Variants in RNF215 observed in about 807,000 individuals in gnomAD.
RNF215 encodes the protein ring finger protein 215.
A neutral mutation model predicts 44.8 loss-of-function variants in RNF215; 41 were observed. The ratio of observed to expected loss-of-function variants is 0.92; its 90% CI spans 0.71 to 1.19. The LOEUF (loss-of-function observed/expected upper bound fraction) is 1.19. Among genes scored for constraint, RNF215 ranks in the 50% most tolerant of loss-of-function variants. The pLI, the probability that RNF215 is intolerant of heterozygous loss-of-function variation, is 0.00. For synonymous variants in RNF215, 218 were observed against 230.1 expected, an observed-to-expected ratio of 0.95 and a Z score of 0.48; for missense variants, 452 against 496.2, an observed-to-expected ratio of 0.91 and a Z score of 0.85.
chr22:30,383,791 T>C (rs1454045446), intron 5 of RNF215, among the ~76,000 whole-genome samples: 1 of 151,682 alleles, frequency 6.6e-6, no homozygotes, highest in Admixed American at 6.6e-5. Context: ...CTTGTTGTGA[T>C]ACAAAAGAGA....
chr22:30,385,975 C>T lies in RNF215; in HGVS notation c.516G>A (p.Gln172=). 6.2e-7 allele frequency: 1 copy of T among 1,614,174 alleles called. No homozygotes were observed. The highest frequency in any genetic ancestry group is 1.1e-5 in the South Asian group (1 of 91,082). ...GGACGATCACTGGCCTGAGCAGAAGCTGGGATATGTCCAGCTGCAGGGAGA... is the reference window on the plus strand; with the variant it reads ...GGACGATCACTGGCCTGAGCAGAAGTTGGGATATGTCCAGCTGCAGGGAGA... ...HNVVRELDIS[Q]LLLRPVIVLH... Residue 172 remains glutamine (Q), a synonymous_variant, in exon 4 of 9, where the codon CAG becomes CAA. Coordinates refer to ENST00000382363, the MANE Select transcript of RNF215 (RefSeq NM_001017981.2).
chr22:30,382,308 G>A (rs1229354130), intron 5 of RNF215, among the ~76,000 whole-genome samples: 3 of 151,864 alleles, frequency 2.0e-5, no homozygotes, highest in Non-Finnish European at 4.4e-5. Context: ...GGAGGCTGAG[G>A]TAGGAGAATC....
chr22:30,381,088 C>G (rs964103852), intron 5 of RNF215, among the ~76,000 whole-genome samples: 2 of 152,222 alleles, frequency 1.3e-5, no homozygotes, highest in African/African-American at 4.8e-5. Flanking sequence ...CCTCTTCCAC[C>G]TTATCCCTTT....
intron 1 of RNF215, 62 bp from the exon 2 acceptor site, chr22:30,386,821 C>A: frequency 6.4e-7 from 1 of 1,556,108 alleles, no homozygotes; most frequent in Admixed American, 1.8e-5. Flanking sequence ...GAGCCGGGGT[C>A]ATCACAGTGG....
In RNF215 at chr22:30,384,437, A is replaced by G. The variant is rs1320743991; in HGVS notation, c.646T>C (p.Trp216Arg). 6.2e-7 allele frequency: 1 copy of G among 1,613,562 alleles called. No individual in the cohort carries two copies. The highest frequency in any genetic ancestry group is 1.3e-5 in the African/African-American group (1 of 74,762). The change falls in exon 5 of 9, where the codon TGG becomes CGG. Residue 216 changes from tryptophan (W) to arginine (R), a missense_variant. By Grantham distance (101) the Trp-to-Arg change is moderately radical. Transcript: ENST00000382363. ...SGESLSANIE[W>R]KLTLWTTCGL... is the part of the protein sequence containing the mutation. Reference sequence around the variant, plus strand: ...CAGGTGGTCCACAAGGTCAACTTCCACTCGATATTGGCAGACAGGGACTCT... The same window carrying G: ...CAGGTGGTCCACAAGGTCAACTTCCGCTCGATATTGGCAGACAGGGACTCT...
chr22:30,384,252 G>C lies in RNF215; in HGVS notation c.744+87C>G, dbSNP rs978560773. The C allele has an allele frequency of 2.9e-6, 4 of 1,398,090 alleles. No homozygotes were observed. In the Admixed American group the frequency reaches 7.7e-5, roughly 27 times the overall value. 86.6% of individuals were successfully genotyped at this position (1,398,090 alleles called of 1,614,324 possible). On this transcript the variant is annotated intron_variant, in intron 5 of 8. Transcript: ENST00000382363. ...GCCGTCCTTGTCACTAAGGTGGGGA[G>C]AAGCCACAGGATTTTCAATACAAAG... is the stretch of plus-strand genomic sequence containing the variant.
chr22:30,384,546 G>C (rs41282471), intron 4 of RNF215, 51 bp from the exon 5 acceptor site: 1 of 1,556,356 alleles, frequency 6.4e-7, no homozygotes, highest in East Asian at 2.3e-5. Context: ...GGGAAGGGAG[G>C]CCCAGACCCA....
Position 30,385,917 on chromosome 22 carries a change from C to A in RNF215, c.574G>T (p.Asp192Tyr). The A allele has an allele frequency of 6.2e-7, 1 of 1,614,120 alleles. No homozygotes were observed. The highest frequency in any genetic ancestry group is 1.1e-5 in the South Asian group (1 of 91,082). ...HYSSNVTKLL[D>Y]ALLQRTQATA... is the part of the protein sequence containing the mutation. ...ATACCAACTCACTGCAGCAATGCAT[C>A]CAACAGCTTGGTGACATTGGAGGAA... Residue 192 changes from aspartate (D) to tyrosine (Y), a missense_variant, in exon 4 of 9, where the codon GAT becomes TAT. Coordinates refer to ENST00000382363, the MANE Select transcript of RNF215 (RefSeq NM_001017981.2).
chr22:30,382,626 T>C (rs1429004395), intron 5 of RNF215, among the ~76,000 whole-genome samples: 1 of 152,008 alleles, frequency 6.6e-6, no homozygotes, highest in Non-Finnish European at 1.5e-5. Context: ...GCCAGCTGGG[T>C]GGGCTGAAAG....
In RNF215 at chr22:30,379,602, A is replaced by G; in HGVS notation, c.1132T>C (p.Ter378GlnextTer46). The change falls in exon 9 of 9, where the codon TAG (stop) becomes CAG (glutamine). Residue 378 changes from the stop codon to glutamine, a stop_lost. Coordinates refer to ENST00000382363, the MANE Select transcript of RNF215 (RefSeq NM_001017981.2). ...NVLGNRYSDD* is the reference protein window; with the variant it reads ...NVLGNRYSDDQ ...ATGTGCAGAGTCCAGCTGGGCAGCT[A>G]ATCATCGGAGTAGCGGTTCCCTGCA... 1 of 1,550,752 alleles carries G rather than the reference A, an allele frequency of 6.4e-7. No homozygotes were observed. The highest frequency in any genetic ancestry group is 8.7e-7 in the Non-Finnish European group (1 of 1,147,004).
At chr22:30,379,872 C>T (rs2145981658) in intron 7 of RNF215, 59 bp from the exon 8 acceptor site, 2 of 1,533,392 alleles carry the variant, frequency 1.3e-6, no homozygotes, top group East Asian at 2.3e-5. Context: ...CGTGGGGGTG[C>T]CTGGTCCCAT....
intron 5 of RNF215, among the ~76,000 whole-genome samples, chr22:30,382,337 G>C (rs1332984398): frequency 1.3e-5 from 2 of 151,592 alleles, no homozygotes; most frequent in East Asian, 1.9e-4. Flanking sequence ...CTGGGAGGCG[G>C]AGGCTGTGGT....
chr22:30,379,370 T>G lies in RNF215; in HGVS notation c.*230A>C, dbSNP rs1485650890. ...CAGGATTGCAGAGAAGGTCCCAAAG[T>G]GACCTCTCTTCCTTGACTGACAGGT... On this transcript the variant is annotated 3_prime_UTR_variant, in exon 9 of 9. Coordinates refer to ENST00000382363, the MANE Select transcript of RNF215 (RefSeq NM_001017981.2). 1.7e-6 allele frequency: 1 copy of G among 592,902 alleles called. No individual in the cohort carries two copies. The highest frequency in any genetic ancestry group is 1.9e-5 in the African/African-American group (1 of 53,704). The allele number at this position is 592,902 out of a possible 1,614,324, so 36.7% of individuals were successfully genotyped here.
Position 30,379,797 on chromosome 22 carries a change from G to A in RNF215, c.1025C>T (p.Pro342Leu). Residue 342 changes from proline to leucine, a missense_variant, in exon 8 of 9, where the codon CCC becomes CTC. Coordinates refer to ENST00000382363, the MANE Select transcript of RNF215 (RefSeq NM_001017981.2). ...GTCTCGGTGAAACTCGTGCTTACAG[G>A]GCAGCACCCGGAGCCACTACAGGGG... ...FCNKQWLRVL[P>L]CKHEFHRDCV... The A allele has an allele frequency of 6.4e-7, 1 of 1,570,370 alleles. No individual in the cohort carries two copies. The highest frequency in any genetic ancestry group is 8.6e-7 in the Non-Finnish European group (1 of 1,159,196).
chr22:30,379,890 G>T, intron 7 of RNF215, 77 bp from the exon 8 acceptor site: 1 of 1,504,202 alleles, frequency 6.6e-7, no homozygotes, highest in Non-Finnish European at 9.2e-7. Flanking sequence ...CATGCCCCTC[G>T]CCTCAGCTGG....
At position 30,387,068 on chromosome 22, in the gene RNF215, T is replaced by C. The variant is rs1356727672; in HGVS notation, c.246A>G (p.Glu82=). Residue 82 remains glutamate, a synonymous_variant, in exon 1 of 9, where the codon GAA becomes GAG. Transcript: ENST00000382363. ...CGCCCAGCAGGGGCGCCGGGTCGGC[T>C]TCGGAGCCGATCCTGACGCCCTCCA... ...LVLEGVRIGS[E]ADPAPLLGGR... The C allele has an allele frequency of 1.3e-6, 2 of 1,542,084 alleles. No homozygotes were observed. Among genetic ancestry groups the C allele is most frequent in the Admixed American group, 3.8e-5 (2 of 52,764 alleles).
At position 30,379,524 on chromosome 22, in the gene RNF215, G is replaced by T; in HGVS notation, c.*76C>A. ...CTATCCTGCTGTCCCATCCTGTCCTGTCCTGGGAGCCCAGGCTGAGGACCG... is the reference window on the plus strand; with the variant it reads ...CTATCCTGCTGTCCCATCCTGTCCTTTCCTGGGAGCCCAGGCTGAGGACCG... On this transcript the variant is annotated 3_prime_UTR_variant, in exon 9 of 9. Transcript: ENST00000382363. The T allele has an allele frequency of 1.3e-6, 2 of 1,521,828 alleles. No homozygotes were observed. The highest frequency in any genetic ancestry group is 1.8e-6 in the Non-Finnish European group (2 of 1,130,036). The allele number at this position is 1,521,828 out of a possible 1,614,324, so 94.3% of individuals were successfully genotyped here.
At position 30,387,388 on chromosome 22, in the gene RNF215, CGCTGCCGGACGGGGCGGGGCG is replaced by C. The variant is rs1363265014; in HGVS notation, c.-96_-76del. On this transcript the variant is annotated 5_prime_UTR_variant, in exon 1 of 9. Transcript: ENST00000382363. ...CGGGGGGGATCGGAGGGAGCGAGGC[CGCTGCCGGACGGGGCGGGGCG>C]CCGGGAGGGGCGGGGCCGCGGCCGG... 3 of 946,104 alleles carry C rather than the reference CGCTGCCGGACGGGGCGGGGCG, an allele frequency of 3.2e-6. No homozygotes were observed. The African/African-American group carries it at 5.9e-5, about 18-fold the overall frequency. The allele number at this position is 946,104 out of a possible 1,614,324, so 58.6% of individuals were successfully genotyped here.
intron 2 of RNF215, 137 bp downstream of exon 2, chr22:30,386,479 C>T (rs1601760502): frequency 1.8e-6 from 2 of 1,097,966 alleles, no homozygotes; most frequent in Non-Finnish European, 2.6e-6. Flanking sequence ...CTCCATTCTT[C>T]AAACTGGGGT....
Sources: allele counts gnomAD v4.1 joint callset (sites outside exome capture counted in the v4.1 genomes callset), GRCh38; gene constraint gnomAD v4.1.1; transcripts MANE v1.5; gene names NCBI Gene and HGNC (gene_info 2026-07-23, HGNC 2026-07-21).